SCNN1B: variants seen among roughly 807,000 people sequenced by gnomAD.
SCNN1B encodes the protein epithelial sodium channel subunit beta.
In SCNN1B, 46 loss-of-function variants were observed where a neutral mutation model predicts 65.3. The observed-to-expected ratio is 0.70, with a 90% CI of 0.56 to 0.90. SCNN1B has a LOEUF of 0.90. SCNN1B is among the 40% of genes least tolerant of loss of function. The pLI, the probability that SCNN1B is intolerant of heterozygous loss-of-function variation, is 0.00. For synonymous variants in SCNN1B, 349 were observed against 330.6 expected (o/e 1.06, Z -0.60); for missense variants, 751 against 830.5 (o/e 0.90, Z 1.18).
chr16:23,296,238 G>A (rs1003195411), intron 2 of SCNN1B, among the ~76,000 whole-genome samples: 2 of 152,094 alleles, frequency 1.3e-5, no homozygotes, highest in African/African-American at 2.4e-5. Flanking sequence ...GGTGGGGGGC[G>A]CCACGGGGAT....
At chr16:23,322,097 C>A (rs571661548) in intron 1 of SCNN1B, among the ~76,000 whole-genome samples, 179 of 152,266 alleles carry the variant, frequency 1.2e-3, no homozygotes, top group African/African-American at 3.9e-3. Context: ...CTCTCCCATT[C>A]CCTTGGAGCC....
chr16:23,381,042 G>A lies in SCNN1B; in HGVS notation c.*241G>A, dbSNP rs529644900. 3.6e-4 allele frequency: 208 copies of A among 579,370 alleles called. 4 individuals carry two copies. The highest frequency in any genetic ancestry group is 3.3e-3 in the Middle Eastern group (7 of 2,142). 35.9% of individuals were successfully genotyped at this position (579,370 alleles called of 1,614,324 possible). A position where few individuals can be genotyped will look rare whatever the true frequency, so the allele number is the denominator to read the frequency against. On this transcript the variant is annotated 3_prime_UTR_variant, in exon 13 of 13. Coordinates refer to ENST00000343070, the MANE Select transcript of SCNN1B (RefSeq NM_000336.3). ...GTATCTTCACCTGGTTCCTACCCTC[G>A]TCCCTACCTGTCCTGATCCTGGTCC...
intron 1 of SCNN1B, among the ~76,000 whole-genome samples, chr16:23,324,233 G>T (rs1287129666): frequency 6.6e-6 from 1 of 151,310 alleles, no homozygotes; most frequent in Non-Finnish European, 1.5e-5. Context: ...TGTTGTCCAG[G>T]GTGGAGTGCA....
chr16:23,355,430 C>CT lies in SCNN1B; in HGVS notation c.718dup (p.Tyr240LeufsTer15). 6.2e-7 allele frequency: 1 copy of CT among 1,614,212 alleles called. No homozygotes were observed. Among genetic ancestry groups the CT allele is most frequent in the East Asian group, 2.2e-5 (1 of 44,890 alleles). Reference sequence around the variant, plus strand: ...CACAGCAGGAGCTAGTAGAGATGAGCTACCCCGGCGAGCAGATGATCCTGG... The same window carrying CT: ...CACAGCAGGAGCTAGTAGAGATGAGCTTACCCCGGCGAGCAGATGATCCTGG... On this transcript the variant is annotated frameshift_variant, in exon 4 of 13. Transcript: ENST00000343070. LOFTEE classifies it high-confidence loss of function.
intron 2 of SCNN1B, among the ~76,000 whole-genome samples, chr16:23,286,174 G>A (rs28676895): frequency 0.06 from 9,122 of 152,174 alleles, 941 homozygotes; most frequent in African/African-American, 0.21. Context: ...TAGTCAGTGA[G>A]GGAAAGAAGC....
At chr16:23,342,098 T>C (rs967583562) in intron 1 of SCNN1B, among the ~76,000 whole-genome samples, 3 of 152,192 alleles carry the variant, frequency 2.0e-5, no homozygotes, top group African/African-American at 4.8e-5. Flanking sequence ...GTCCATCAAC[T>C]GATGAATGGA....
chr16:23,325,353 G>A (rs778199959), intron 1 of SCNN1B, among the ~76,000 whole-genome samples: 11 of 151,574 alleles, frequency 7.3e-5, no homozygotes, highest in Admixed American at 5.3e-4. Context: ...TGCAACCTCC[G>A]CCTCCCAGGT....
chr16:23,360,180 A>T (rs1414393570), intron 4 of SCNN1B, among the ~76,000 whole-genome samples: 1 of 147,334 alleles, frequency 6.8e-6, no homozygotes, highest in African/African-American at 2.5e-5. Context: ...CCTGGGAGAG[A>T]GAGCGAGACT....
rs368839927 is a variant in SCNN1B, at chr16:23,377,182, C to T, written c.1288C>T (p.Leu430=). The change falls in exon 9 of 13, where the codon CTA becomes TTA. Residue 430 remains leucine (L), a synonymous_variant. Coordinates refer to ENST00000343070, the MANE Select transcript of SCNN1B (RefSeq NM_000336.3). ...FPDWAHCYSD[L]QMSVAQRETC... The stretch of plus-strand genomic sequence containing the variant: ...CTGCGCAGCCCATTGCTACTCAGAT[C>T]TACAGATGAGCGTGGCGCAGAGAGA... 2 of 1,614,198 alleles carry T rather than the reference C, an allele frequency of 1.2e-6. No homozygotes were observed. The highest frequency in any genetic ancestry group is 1.1e-5 in the South Asian group (1 of 91,076).
intron 2 of SCNN1B, among the ~76,000 whole-genome samples, chr16:23,285,387 G>T (rs2141968072): frequency 6.6e-6 from 1 of 152,216 alleles, no homozygotes; most frequent in Admixed American, 6.5e-5. Context: ...GTCCAGGCTG[G>T]TCTCAAACTC....
At chr16:23,314,410 C>A (rs1961408594) in intron 1 of SCNN1B, among the ~76,000 whole-genome samples, 1 of 152,180 alleles carries the variant, frequency 6.6e-6, no homozygotes, top group Admixed American at 6.5e-5. Flanking sequence ...TACAACAATC[C>A]AGTGAAACAG....
Position 23,349,327 on chromosome 16 carries a change from A to AT in SCNN1B, c.311+425dup, listed in dbSNP as rs964410379. Among the ~76,000 whole-genome samples the AT allele has an allele frequency of 4.6e-5, 7 of 152,028 alleles. No homozygotes were observed. In the South Asian group the frequency reaches 6.2e-4, roughly 14 times the overall value. ...ATCCCACTTCTAAAAAAAGTAAATA[A>AT]TTTTTTTTAATTAGCCAGACGTGGT... On this transcript the variant is annotated intron_variant, in intron 2 of 12. Transcript: ENST00000343070.
chr16:23,288,341 TAA>T (rs1960880183), intron 2 of SCNN1B, among the ~76,000 whole-genome samples: 1 of 152,174 alleles, frequency 6.6e-6, no homozygotes, highest in South Asian at 2.1e-4. Context: ...TTCAAAATAA[TAA>T]GTCAGTTCCC....
chr16:23,297,000 A>G (rs534146685), intron 2 of SCNN1B, among the ~76,000 whole-genome samples: 3 of 150,054 alleles, frequency 2.0e-5, no homozygotes, highest in South Asian at 4.3e-4. Flanking sequence ...CAAAAAAAAA[A>G]AAAAAAAGAG....
chr16:23,309,003 C>G (rs377028630), intron 1 of SCNN1B, among the ~76,000 whole-genome samples: 2 of 152,122 alleles, frequency 1.3e-5, no homozygotes, highest in African/African-American at 2.4e-5. Context: ...CTCCTCCAGC[C>G]GTCTGTGTCT....
At chr16:23,286,682 AC>A (rs2141968573) in intron 2 of SCNN1B, among the ~76,000 whole-genome samples, 1 of 152,360 alleles carries the variant, frequency 6.6e-6, no homozygotes. Context: ...TAGAAGGTAG[AC>A]CATTCTACCA....
At chr16:23,365,587 G>GAGAAAGAAAGAAAGAAAGAAAGAA (rs1555488905) in intron 4 of SCNN1B, among the ~76,000 whole-genome samples, 1 of 86,958 alleles carries the variant, frequency 1.1e-5, no homozygotes. Flanking sequence ...AAGAAAGAAA[G>GAGAAAGAAAGAAAGAAAGAAAGAA]AGAAAGAAAG....
chr16:23,363,892 G>T (rs532487646), intron 4 of SCNN1B, among the ~76,000 whole-genome samples: 2 of 152,080 alleles, frequency 1.3e-5, no homozygotes, highest in East Asian at 3.9e-4. Flanking sequence ...GAAGGGCCAG[G>T]TGCAGTGACT....
chr16:23,319,316 G>A (rs1281644503), intron 1 of SCNN1B, among the ~76,000 whole-genome samples: 5 of 152,182 alleles, frequency 3.3e-5, no homozygotes, highest in Non-Finnish European at 2.9e-5. Flanking sequence ...AAAGCGCTGG[G>A]AGTACAGGTG....
Sources: gnomAD v4.1 joint callset for allele counts (sites outside exome capture counted in the v4.1 genomes callset) on GRCh38, gnomAD v4.1.1 for gene constraint, MANE v1.5 for transcripts, NCBI Gene and HGNC (gene_info 2026-07-23, HGNC 2026-07-21) for gene names.